The following RHOJ variants were observed in gnomAD, a reference collection of about 807,000 sequenced individuals.
The protein encoded by RHOJ is rho-related GTP-binding protein RhoJ.
A neutral mutation model predicts 23.4 loss-of-function variants in RHOJ; 11 were observed. The observed-to-expected ratio is 0.47, with a 90% CI of 0.30 to 0.78. The LOEUF is 0.78. Ranked by LOEUF, RHOJ falls within the 30% of genes least tolerant of loss-of-function variation. RHOJ has a pLI of 0.08. For synonymous variants in RHOJ, 102 were observed against 102.7 expected, an observed-to-expected ratio of 0.99 and a Z score of 0.04; for missense variants, 254 against 273.4, an observed-to-expected ratio of 0.93 and a Z score of 0.50.
At chr14:63,256,955 C>T (rs1245707197) in intron 1 of RHOJ, among the ~76,000 whole-genome samples, 1 of 152,018 alleles carries the variant, frequency 6.6e-6, no homozygotes, top group African/African-American at 2.4e-5. Context: ...ACCTGTAGTC[C>T]CAGCTACTCA....
chr14:63,251,397 CT>C (rs756909998), intron 1 of RHOJ, among the ~76,000 whole-genome samples: 9 of 152,196 alleles, frequency 5.9e-5, no homozygotes, highest in Non-Finnish European at 1.0e-4. Flanking sequence ...CATTTAGAAC[CT>C]TGTTCACTAC....
chr14:63,227,384 A>T (rs1894614590), intron 1 of RHOJ, among the ~76,000 whole-genome samples: 1 of 152,360 alleles, frequency 6.6e-6, no homozygotes, highest in Admixed American at 6.5e-5. Flanking sequence ...ATATATTTTT[A>T]AATGTTTCTT....
chr14:63,227,939 G>T (rs1894624295), intron 1 of RHOJ, among the ~76,000 whole-genome samples: 1 of 152,180 alleles, frequency 6.6e-6, no homozygotes. Context: ...TTATTAATTT[G>T]AATTTAGTCA....
intron 1 of RHOJ, among the ~76,000 whole-genome samples, chr14:63,245,984 A>G (rs1181872292): frequency 6.6e-6 from 1 of 152,120 alleles, no homozygotes; most frequent in Admixed American, 6.5e-5. Flanking sequence ...CTTGTCATAA[A>G]CCCAAAGGAG....
At chr14:63,271,163 TA>T (rs1195256032) in intron 2 of RHOJ, among the ~76,000 whole-genome samples, 7 of 152,188 alleles carry the variant, frequency 4.6e-5, no homozygotes, top group African/African-American at 7.2e-5. Flanking sequence ...GATTATAAGA[TA>T]TTTTTTCAAC....
At chr14:63,247,237 C>A (rs1199626756) in intron 1 of RHOJ, among the ~76,000 whole-genome samples, 1 of 152,166 alleles carries the variant, frequency 6.6e-6, no homozygotes, top group African/African-American at 2.4e-5. Flanking sequence ...TATGTGGGCT[C>A]TTTTGACCCT....
intron 1 of RHOJ, among the ~76,000 whole-genome samples, chr14:63,231,845 C>G (rs1431435857): frequency 1.3e-5 from 2 of 152,182 alleles, no homozygotes; most frequent in African/African-American, 4.8e-5. Flanking sequence ...AATATCTCAT[C>G]TCATAGACTA....
intron 2 of RHOJ, among the ~76,000 whole-genome samples, chr14:63,273,573 G>C (rs1342590675): frequency 2.6e-5 from 4 of 152,188 alleles, no homozygotes; most frequent in Admixed American, 2.6e-4. Context: ...GACTGGGAGA[G>C]GGCTCTTTCC....
At chr14:63,250,557 C>T (rs988193985) in intron 1 of RHOJ, among the ~76,000 whole-genome samples, 15 of 152,158 alleles carry the variant, frequency 9.9e-5, no homozygotes, top group Non-Finnish European at 1.3e-4. Context: ...TTTCCCATCT[C>T]AGGACCTCTG....
At chr14:63,262,337 C>T (rs1331846465) in intron 1 of RHOJ, among the ~76,000 whole-genome samples, 1 of 152,114 alleles carries the variant, frequency 6.6e-6, no homozygotes, top group Non-Finnish European at 1.5e-5. Context: ...GACAGCAAGA[C>T]CAGGACTTAG....
rs1158997273 is a variant in RHOJ, at chr14:63,269,088, TTTC to T, written c.179-19_179-17del. ...TTGTGTTTATGGACTCTCCTCTTCT[TTTC>T]TTTTCTCTTCTCCCCTAGTTACTGT... On this transcript the variant is annotated intron_variant, in intron 1 of 4. Coordinates refer to ENST00000316754, the MANE Select transcript of RHOJ (RefSeq NM_020663.5). 1 of 1,594,440 alleles carries T rather than the reference TTTC, an allele frequency of 6.3e-7. No homozygotes were observed. Among genetic ancestry groups the T allele is most frequent in the Non-Finnish European group, 8.6e-7 (1 of 1,162,676 alleles).
At chr14:63,222,187 G>A (rs1894509819) in intron 1 of RHOJ, among the ~76,000 whole-genome samples, 1 of 151,998 alleles carries the variant, frequency 6.6e-6, no homozygotes, top group Admixed American at 6.6e-5. Context: ...GTATTCCATG[G>A]TGTATATGTA....
At chr14:63,238,447 G>C (rs539316855) in intron 1 of RHOJ, among the ~76,000 whole-genome samples, 2 of 152,202 alleles carry the variant, frequency 1.3e-5, no homozygotes, top group African/African-American at 4.8e-5. Flanking sequence ...GACAGGGTCT[G>C]GTTCCATCGC....
intron 1 of RHOJ, among the ~76,000 whole-genome samples, chr14:63,235,165 G>C (rs1377366015): frequency 2.7e-5 from 4 of 150,906 alleles, no homozygotes; most frequent in Non-Finnish European, 4.4e-5. Context: ...ACTATTACTG[G>C]TCCGGGATGT....
At chr14:63,216,654 A>G (rs2139732511) in intron 1 of RHOJ, among the ~76,000 whole-genome samples, 1 of 152,338 alleles carries the variant, frequency 6.6e-6, no homozygotes, top group East Asian at 1.9e-4. Context: ...TGAATTTCAA[A>G]TGACATTTGC....
At chr14:63,266,687 G>A (rs1002227814) in intron 1 of RHOJ, among the ~76,000 whole-genome samples, 29 of 152,104 alleles carry the variant, frequency 1.9e-4, no homozygotes, top group Non-Finnish European at 2.2e-4. Context: ...TTGTGTTCTT[G>A]ATTTGTCTCT....
intron 1 of RHOJ, among the ~76,000 whole-genome samples, chr14:63,268,181 A>C (rs1241536589): frequency 3.3e-5 from 5 of 152,198 alleles, no homozygotes; most frequent in Non-Finnish European, 5.9e-5. Context: ...ACTTTTCTTC[A>C]TATTTTATTT....
chr14:63,222,308 A>T (rs1894512554), intron 1 of RHOJ, among the ~76,000 whole-genome samples: 1 of 152,154 alleles, frequency 6.6e-6, no homozygotes, highest in African/African-American at 2.4e-5. Context: ...TCTTTATAGC[A>T]GCATGATTTA....
intron 1 of RHOJ, among the ~76,000 whole-genome samples, chr14:63,222,200 A>G (rs1018806897): frequency 8.5e-5 from 13 of 152,116 alleles, no homozygotes; most frequent in African/African-American, 2.9e-4. Flanking sequence ...TATATGTACC[A>G]CATTTTCTTA....
Sources: gnomAD v4.1 joint callset for allele counts (sites outside exome capture counted in the v4.1 genomes callset) on GRCh38, gnomAD v4.1.1 for gene constraint, MANE v1.5 for transcripts, NCBI Gene and HGNC (gene_info 2026-07-23, HGNC 2026-07-21) for gene names.